The following HIP1 variants were observed in gnomAD, a reference collection of about 807,000 sequenced individuals.
The protein encoded by HIP1 is huntingtin interacting protein 1.
Under a neutral mutation model 147.6 loss-of-function variants are expected in HIP1, and 65 were observed. The ratio of observed to expected loss-of-function variants is 0.44; its 90% CI spans 0.36 to 0.54. The LOEUF (loss-of-function observed/expected upper bound fraction) is 0.54, where lower values mean the gene tolerates loss of function less well. Among genes scored for constraint, HIP1 ranks in the 20% least tolerant of loss-of-function variants. The pLI is 0.00. For synonymous variants in HIP1, 479 were observed against 504.0 expected, an observed-to-expected ratio of 0.95 and a Z score of 0.67; for missense variants, 1,061 against 1,299.6, an observed-to-expected ratio of 0.82 and a Z score of 2.82.
chr7:75,682,055 G>A (rs12154595), intron 1 of HIP1, among the ~76,000 whole-genome samples: 3 of 119,788 alleles, frequency 2.5e-5, no homozygotes, highest in African/African-American at 3.3e-5. Context: ...TTGAGGCAGA[G>A]TCTTGCTCTG....
chr7:75,731,344 A>G (rs549163274), intron 1 of HIP1, among the ~76,000 whole-genome samples: 1 of 151,866 alleles, frequency 6.6e-6, no homozygotes, highest in African/African-American at 2.4e-5. Context: ...TTAGCTGGGC[A>G]TGGTGGCGCA....
chr7:75,675,065 C>A (rs1202191448), intron 1 of HIP1, among the ~76,000 whole-genome samples: 1 of 152,008 alleles, frequency 6.6e-6, no homozygotes, highest in Non-Finnish European at 1.5e-5. Flanking sequence ...TCCTATTATA[C>A]GTATGTTGAT....
rs587648463 is a variant in HIP1 at position 75,579,374 on chromosome 7, C to G, written c.604+1863G>C. 2.0e-4 allele frequency among the ~76,000 whole-genome samples: 30 copies of G among 152,242 alleles called. 1 individual carries two copies. In the South Asian group the frequency reaches 2.7e-3, roughly 14 times the overall value. On this transcript the variant is annotated intron_variant, in intron 7 of 30. Coordinates refer to ENST00000336926, the MANE Select transcript of HIP1 (RefSeq NM_005338.7). ...TCACTGCATCTCGGCTCACTGCAAA[C>G]TCCGCCTCCTGAGTTCAAGCCATTC...
chr7:75,628,475 CTTTTTTTTT>C (rs71098044), intron 1 of HIP1, among the ~76,000 whole-genome samples: 1 of 132,630 alleles, frequency 7.5e-6, no homozygotes, highest in Non-Finnish European at 1.6e-5. Context: ...TCCTGTACCT[CTTTTTTTTT>C]TTTTTTTTTT....
chr7:75,546,748 T>C (rs1794579245), intron 25 of HIP1, among the ~76,000 whole-genome samples, 191 bp downstream of exon 25: 1 of 152,210 alleles, frequency 6.6e-6, no homozygotes, highest in Admixed American at 6.5e-5. Flanking sequence ...TTGGGACACA[T>C]GCCTGGCCAC....
chr7:75,561,295 T>C, intron 13 of HIP1, 34 bp downstream of exon 13: 1 of 1,441,898 alleles, frequency 6.9e-7, no homozygotes, highest in African/African-American at 1.4e-5. Flanking sequence ...CGTGTTTTGG[T>C]GAAGCGCAAA....
intron 18 of HIP1, 38 bp downstream of exon 18, chr7:75,555,988 T>C (rs1000788734): frequency 6.2e-7 from 1 of 1,609,690 alleles, no homozygotes; most frequent in Non-Finnish European, 8.5e-7. Context: ...TCGGTGGGAA[T>C]TCACAGGTGC....
intron 1 of HIP1, among the ~76,000 whole-genome samples, chr7:75,606,059 G>C (rs1481943271): frequency 1.3e-5 from 2 of 152,044 alleles, no homozygotes; most frequent in African/African-American, 4.8e-5. Flanking sequence ...ATGTTGCCCA[G>C]GCTGGTCTTG....
chr7:75,734,245 C>CAAAT (rs57376870), intron 1 of HIP1, among the ~76,000 whole-genome samples: 18,152 of 140,084 alleles, frequency 0.13, 1,364 homozygotes, highest in African/African-American at 0.18. Flanking sequence ...GACTCTGTCT[C>CAAAT]AAATAAATAA....
chr7:75,723,881 C>T (rs782577217), intron 1 of HIP1, among the ~76,000 whole-genome samples: 26 of 151,740 alleles, frequency 1.7e-4, no homozygotes, highest in Non-Finnish European at 2.5e-4. Flanking sequence ...TCCCAAGTAG[C>T]GGGGACTATA....
Position 75,545,204 on chromosome 7 carries a change from A to G in HIP1, c.2560-16T>C, listed in dbSNP as rs1794506422. On this transcript the variant is annotated splice_polypyrimidine_tract_variant and intron_variant, in intron 25 of 30. Coordinates refer to ENST00000336926, the MANE Select transcript of HIP1 (RefSeq NM_005338.7). ...ATGCTGTACCCTAGGGAAATAAAAA[A>G]TAGTAATAGCCACCTTTTATTGAGC... 1.4e-6 allele frequency: 2 copies of G among 1,473,150 alleles called. No individual in the cohort carries two copies. Among genetic ancestry groups the G allele is most frequent in the East Asian group, 4.5e-5 (2 of 44,234 alleles). 91.3% of individuals were successfully genotyped at this position (1,473,150 alleles called of 1,614,324 possible). A position where few individuals can be genotyped will look rare whatever the true frequency, so the allele number is the denominator to read the frequency against.
At chr7:75,736,526 G>A (rs911845571) in intron 1 of HIP1, among the ~76,000 whole-genome samples, 5 of 151,826 alleles carry the variant, frequency 3.3e-5, no homozygotes, top group Admixed American at 6.6e-5. Context: ...AGACCAGTCC[G>A]GGCAACACAG....
intron 1 of HIP1, among the ~76,000 whole-genome samples, chr7:75,726,289 T>TTG (rs1801648266): frequency 6.6e-6 from 1 of 151,704 alleles, no homozygotes; most frequent in Admixed American, 6.6e-5. Context: ...TGGGCATTTT[T>TTG]TTTTTTTTCT....
rs1468765102 is a variant in HIP1 at position 75,568,549 on chromosome 7, A to G, written c.746-293T>C. Among the ~76,000 whole-genome samples, 2 of 152,216 alleles carry G rather than the reference A, an allele frequency of 1.3e-5. No individual in the cohort carries two copies. Among genetic ancestry groups the G allele is most frequent in the African/African-American group, 4.8e-5 (2 of 41,456 alleles). On this transcript the variant is annotated intron_variant, in intron 8 of 30. Transcript: ENST00000336926. The surrounding 1 kb of genome is among the most constrained non-coding windows in gnomAD (Gnocchi z 4.1). ...AATTGTGTCCTGGACTAGAGAAGAAATGGTGACCTGACCCAGTAGCAGGCT... is the reference window on the plus strand; with the variant it reads ...AATTGTGTCCTGGACTAGAGAAGAAGTGGTGACCTGACCCAGTAGCAGGCT...
rs587742459 is a variant in HIP1, at chr7:75,544,795, G to C, written c.2666C>G (p.Ala889Gly). 6.2e-7 allele frequency: 1 copy of C among 1,604,816 alleles called. No individual in the cohort carries two copies. The highest frequency in any genetic ancestry group is 1.3e-5 in the African/African-American group (1 of 74,878). The part of the protein sequence containing the change: ...VGWGATVMVD[A>G]ADLVVQGRGK... ...TCTGCCTTGTACCACCAGATCAGCT[G>C]CATCCCTGATGGAAAACGACAAGAG... is the stretch of plus-strand genomic sequence containing the variant. Residue 889 changes from alanine (A) to glycine (G), a missense_variant, in exon 27 of 31, where the codon GCA (alanine) becomes GGA (glycine). Ala to Gly is a moderately conservative substitution (Grantham distance 60). Coordinates refer to ENST00000336926, the MANE Select transcript of HIP1 (RefSeq NM_005338.7).
chr7:75,592,364 G>A lies in HIP1; in HGVS notation c.327+8C>T. The A allele has an allele frequency of 6.2e-7, 1 of 1,601,178 alleles. No individual in the cohort carries two copies. Among genetic ancestry groups the A allele is most frequent in the Non-Finnish European group, 8.5e-7 (1 of 1,174,890 alleles). ...GCTCCCTGCCACCCCATAGCCCCAGGAACTCACGTTCGGGTGTCCATCTCG... is the reference window on the plus strand; with the variant it reads ...GCTCCCTGCCACCCCATAGCCCCAGAAACTCACGTTCGGGTGTCCATCTCG... On this transcript the variant is annotated splice_region_variant and intron_variant, in intron 3 of 30. Coordinates refer to ENST00000336926, the MANE Select transcript of HIP1 (RefSeq NM_005338.7).
At chr7:75,544,196 T>C (rs587767185) in intron 27 of HIP1, among the ~76,000 whole-genome samples, 260 of 147,292 alleles carry the variant, frequency 1.8e-3, no homozygotes, top group African/African-American at 6.2e-3. Context: ...AAAAAGCCTC[T>C]GTAAGAGGAT....
intron 1 of HIP1, among the ~76,000 whole-genome samples, chr7:75,600,294 A>G (rs1796927035): frequency 6.6e-6 from 1 of 152,050 alleles, no homozygotes; most frequent in South Asian, 2.1e-4. Flanking sequence ...TATTTTTAGT[A>G]CAGACGGGGT....
rs1554522517 is a variant in HIP1, at chr7:75,727,833, G to A, written c.120+10968C>T. Reference sequence around the variant, plus strand: ...TGGATTCCAGCCTAGGTGACAAAGCGAGACTCCATCTCAAAAAAAAAAAAA... The same window carrying A: ...TGGATTCCAGCCTAGGTGACAAAGCAAGACTCCATCTCAAAAAAAAAAAAA... On this transcript the variant is annotated intron_variant, in intron 1 of 30. Transcript: ENST00000336926. Among the ~76,000 whole-genome samples the A allele has an allele frequency of 4.9e-5, 7 of 143,512 alleles. No homozygotes were observed. In the South Asian group the frequency reaches 1.1e-3, roughly 23 times the overall value. The allele number at this position is 143,512 out of a possible 152,430, so 94.1% of individuals were successfully genotyped here.
Sources: gnomAD v4.1 joint callset for allele counts (sites outside exome capture counted in the v4.1 genomes callset) on GRCh38, gnomAD v4.1.1 for gene constraint, Gnocchi (gnomAD v3.1) non-coding constraint, MANE v1.5 for transcripts, NCBI Gene and HGNC (gene_info 2026-07-23, HGNC 2026-07-21) for gene names.